SLC25A20: variants seen among roughly 807,000 people sequenced by gnomAD.
The protein encoded by SLC25A20 is mitochondrial carnitine/acylcarnitine carrier protein.
Under a neutral mutation model 39.7 loss-of-function variants are expected in SLC25A20, and 29 were observed. The observed-to-expected ratio is 0.73, with a 90% confidence interval of 0.54 to 1.00. The LOEUF (loss-of-function observed/expected upper bound fraction) is 1.00. SLC25A20 is among the 50% of genes least tolerant of loss of function. The pLI, the probability that SLC25A20 is intolerant of heterozygous loss-of-function variation, is 0.00. For missense variants in SLC25A20, 333 were observed against 379.9 expected (o/e 0.88, Z 1.03); for synonymous variants, 103 against 142.2 (o/e 0.72, Z 1.96).
intron 4 of SLC25A20, among the ~76,000 whole-genome samples, chr3:48,875,550 C>G (rs1170051694): frequency 6.6e-6 from 1 of 152,204 alleles, no homozygotes; most frequent in African/African-American, 2.4e-5. Flanking sequence ...GCTGGGATTA[C>G]AGGCGTGCAC....
At chr3:48,867,409 T>A (rs1264350987) in intron 4 of SLC25A20, among the ~76,000 whole-genome samples, 1 of 112,152 alleles carries the variant, frequency 8.9e-6, no homozygotes, top group African/African-American at 3.2e-5. Context: ...CATGCCTGGG[T>A]AATTTTTTTT....
intron 4 of SLC25A20, among the ~76,000 whole-genome samples, chr3:48,875,391 C>T (rs1360663849): frequency 6.6e-6 from 1 of 151,910 alleles, no homozygotes; most frequent in Non-Finnish European, 1.5e-5. Flanking sequence ...TGAGCCACCG[C>T]ACCCAGCCTA....
intron 3 of SLC25A20, among the ~76,000 whole-genome samples, chr3:48,880,776 C>G (rs1413545347): frequency 6.6e-6 from 1 of 151,768 alleles, no homozygotes; most frequent in Non-Finnish European, 1.5e-5. Context: ...CCATGTTGCC[C>G]AGGTTGGTCT....
chr3:48,885,201 T>C (rs1406510875), intron 2 of SLC25A20, among the ~76,000 whole-genome samples: 5 of 150,122 alleles, frequency 3.3e-5, no homozygotes, highest in Non-Finnish European at 7.4e-5. Context: ...AGCCAAGGAG[T>C]TCAAGGCTGC....
intron 1 of SLC25A20, among the ~76,000 whole-genome samples, chr3:48,896,840 T>C (rs2083912887): frequency 6.6e-6 from 1 of 151,884 alleles, no homozygotes; most frequent in Admixed American, 6.6e-5. Flanking sequence ...TATTTTATAA[T>C]ATGATCCCCA....
rs1455799240 is a variant in SLC25A20, at chr3:48,879,409, T to C, written c.366A>G (p.Val122=). The stretch of plus-strand genomic sequence containing the variant: ...CAGGAGTCATGATTCCTGTGGTGAA[T>C]ACGCCAGATAACATCCCAGCTGCAA... The part of the protein sequence containing the change: ...QLFAAGMLSG[V]FTTGIMTPGE... Residue 122 remains valine, a synonymous_variant, in exon 4 of 9, where the codon GTA becomes GTG. Transcript: ENST00000319017. 6.2e-7 allele frequency: 1 copy of C among 1,614,050 alleles called. No homozygotes were observed. The highest frequency in any genetic ancestry group is 2.2e-5 in the East Asian group (1 of 44,878).
In SLC25A20 at chr3:48,859,753, G is replaced by A. The variant is rs115825776; in HGVS notation, c.536-126C>T. 4,033 of 756,918 alleles carry A rather than the reference G, an allele frequency of 5.3e-3. 28 individuals carry two copies. The highest frequency in any genetic ancestry group is 0.018 in the Middle Eastern group (52 of 2,828). 46.9% of individuals were successfully genotyped at this position (756,918 alleles called of 1,614,324 possible). On this transcript the variant is annotated intron_variant, in intron 5 of 8. Transcript: ENST00000319017. Reference sequence around the variant, plus strand: ...GGGATTGCTTGAGGCCAGGAGGTCCGCGCTTGGCCTGAATTATTAGTAAAA... The same window carrying A: ...GGGATTGCTTGAGGCCAGGAGGTCCACGCTTGGCCTGAATTATTAGTAAAA...
intron 2 of SLC25A20, among the ~76,000 whole-genome samples, chr3:48,888,093 G>A (rs553294418): frequency 1.3e-5 from 2 of 151,278 alleles, no homozygotes; most frequent in East Asian, 3.9e-4. Flanking sequence ...TGTAATCCCA[G>A]CTACTTGGGA....
At position 48,857,562 on chromosome 3, in the gene SLC25A20, G is replaced by T; in HGVS notation, c.*148C>A. ...TATACACGGTGCAGGATGTCATTAA[G>T]GCAACAGTCTCACCAAGTCCATGCA... is the stretch of plus-strand genomic sequence containing the variant. On this transcript the variant is annotated 3_prime_UTR_variant, in exon 9 of 9. Coordinates refer to ENST00000319017, the MANE Select transcript of SLC25A20 (RefSeq NM_000387.6). 1 of 715,728 alleles carries T rather than the reference G, an allele frequency of 1.4e-6. No individual in the cohort carries two copies. Among genetic ancestry groups the T allele is most frequent in the Non-Finnish European group, 2.5e-6 (1 of 392,970 alleles). The allele number at this position is 715,728 out of a possible 1,614,324, so 44.3% of individuals were successfully genotyped here.
chr3:48,880,574 CTTTTTTTTT>C lies in SLC25A20; in HGVS notation c.327-1135_327-1127del, dbSNP rs35306259. Among the ~76,000 whole-genome samples, 201 of 73,124 alleles carry C rather than the reference CTTTTTTTTT, an allele frequency of 2.7e-3. 1 individual carries two copies. The highest frequency in any genetic ancestry group is 0.017 in the Middle Eastern group (1 of 60). The allele number at this position is 73,124 out of a possible 152,430, so 48.0% of individuals were successfully genotyped here. On this transcript the variant is annotated intron_variant, in intron 3 of 8. Coordinates refer to ENST00000319017, the MANE Select transcript of SLC25A20 (RefSeq NM_000387.6). ...TTACAGCATGAGCCACTGTGCCCGG[CTTTTTTTTT>C]TTTTTTTTTTTTTGAAACAGGGTCT...
intron 7 of SLC25A20, 143 bp downstream of exon 7, chr3:48,858,947 CTG>C: frequency 2.8e-6 from 2 of 726,392 alleles, no homozygotes; most frequent in Non-Finnish European, 4.9e-6. Context: ...ATGCAAATGA[CTG>C]TGAGGGAGAA....
Position 48,879,816 on chromosome 3 carries a change from A to G in SLC25A20, c.327-368T>C, listed in dbSNP as rs147614974. ...AAGTTTCCAGGCCTCTCTGAGCCTC[A>G]ATTCTCCCTAGTTAACATGCTGGGG... On this transcript the variant is annotated intron_variant, in intron 3 of 8. Coordinates refer to ENST00000319017, the MANE Select transcript of SLC25A20 (RefSeq NM_000387.6). Among the ~76,000 whole-genome samples the G allele has an allele frequency of 4.8e-3, 737 of 152,232 alleles. 6 individuals carry two copies. Among genetic ancestry groups the G allele is most frequent in the African/African-American group, 0.017 (704 of 41,548 alleles).
intron 3 of SLC25A20, among the ~76,000 whole-genome samples, chr3:48,883,010 AC>A (rs1408010786): frequency 7.1e-6 from 1 of 141,190 alleles, no homozygotes; most frequent in Non-Finnish European, 1.5e-5. Context: ...ACACGGCGAA[AC>A]CCCGTCTCTA....
intron 5 of SLC25A20, among the ~76,000 whole-genome samples, chr3:48,860,300 C>CAA (rs746290835): frequency 3.2e-5 from 3 of 95,074 alleles, no homozygotes; most frequent in Non-Finnish European, 4.3e-5. Context: ...GACTCCATCT[C>CAA]AAAAAAAAAA....
chr3:48,859,039 G>T, intron 7 of SLC25A20, 53 bp downstream of exon 7: 3 of 1,432,638 alleles, frequency 2.1e-6, no homozygotes, highest in Non-Finnish European at 2.9e-6. Flanking sequence ...CCCAGGATTA[G>T]CCAGTGCTGG....
chr3:48,881,678 C>A (rs2083796437), intron 3 of SLC25A20, among the ~76,000 whole-genome samples: 1 of 152,130 alleles, frequency 6.6e-6, no homozygotes. Context: ...TTTCTGAGTG[C>A]TGATGTGACT....
chr3:48,891,273 T>C lies in SLC25A20; in HGVS notation c.198+707A>G, dbSNP rs551480320. Reference sequence around the variant, plus strand: ...TATTTTTAGTAGAGACGGGGTTTCATGATGTTGGCCAGGGTGGTCTTGAAC... The same window carrying C: ...TATTTTTAGTAGAGACGGGGTTTCACGATGTTGGCCAGGGTGGTCTTGAAC... On this transcript the variant is annotated intron_variant, in intron 2 of 8. Transcript: ENST00000319017. 2.8e-3 allele frequency among the ~76,000 whole-genome samples: 432 copies of C among 152,126 alleles called. 4 individuals are homozygous for C. The highest frequency in any genetic ancestry group is 9.9e-3 in the African/African-American group (410 of 41,520).
chr3:48,859,924 T>C (rs1306057801), intron 5 of SLC25A20, among the ~76,000 whole-genome samples: 3 of 152,184 alleles, frequency 2.0e-5, no homozygotes, highest in African/African-American at 7.2e-5. Flanking sequence ...CCGAGCACTT[T>C]GGGAGGCTGA....
chr3:48,884,331 A>T (rs554068932), intron 2 of SLC25A20, among the ~76,000 whole-genome samples: 1 of 152,212 alleles, frequency 6.6e-6, no homozygotes, highest in East Asian at 1.9e-4. Flanking sequence ...TTCCATTCTC[A>T]AAGGCAATCT....
Sources: gnomAD v4.1 joint callset for allele counts (sites outside exome capture counted in the v4.1 genomes callset) on GRCh38, gnomAD v4.1.1 for gene constraint, MANE v1.5 for transcripts, NCBI Gene and HGNC (gene_info 2026-07-23, HGNC 2026-07-21) for gene names.